Variants in BIRC6 observed in about 807,000 individuals in gnomAD.
BIRC6 encodes dual E2 ubiquitin-conjugating enzyme/E3 ubiquitin-protein ligase BIRC6.
BIRC6 carries 98 observed loss-of-function variants against 503.3 expected under a neutral mutation model. The observed-to-expected ratio is 0.19, with a 90% CI of 0.17 to 0.23. The LOEUF is 0.23. BIRC6 is among the 10% of genes least tolerant of loss of function. The pLI is 1.00. For synonymous variants in BIRC6, 2,240 were observed against 2,078.7 expected (o/e 1.08, Z -2.11); for missense variants, 5,360 against 5,806.0 (o/e 0.92, Z 2.50).
At chr2:32,494,211 A>G (rs1255961175) in intron 45 of BIRC6, among the ~76,000 whole-genome samples, 1 of 152,006 alleles carries the variant, frequency 6.6e-6, no homozygotes. Context: ...CTTAAAATCC[A>G]ACATTACTTT....
intron 66 of BIRC6, 111 bp downstream of exon 66, chr2:32,575,477 AC>A: frequency 1.0e-6 from 1 of 1,002,242 alleles, no homozygotes; most frequent in South Asian, 1.5e-5. Flanking sequence ...AAGCATATAC[AC>A]CCTCGGCTGG....
chr2:32,463,404 G>A lies in BIRC6; in HGVS notation c.4941+23G>A, dbSNP rs184941549. ...CAGGTTGGAGACTATTTGGCTCTTT[G>A]TTCATGCTGTCTCTAAACTTCAAAA... On this transcript the variant is annotated intron_variant, in intron 24 of 73. Transcript: ENST00000421745. 2.0e-5 allele frequency: 31 copies of A among 1,563,904 alleles called. No homozygotes were observed. In the East Asian group the frequency reaches 4.4e-4, roughly 22 times the overall value.
At chr2:32,381,704 C>G (rs1032799161) in intron 3 of BIRC6, among the ~76,000 whole-genome samples, 1 of 152,058 alleles carries the variant, frequency 6.6e-6, no homozygotes, top group Admixed American at 6.6e-5. Context: ...CGCCACCATG[C>G]CTGGCTAATT....
Position 32,545,715 on chromosome 2 carries a change from G to A in BIRC6, c.12665G>A (p.Ser4222Asn). ...LPFHVLRSLF[S>N]TTPLTTDDGV... ...TTCCACGTCCTTCGTAGCTTGTTTA[G>A]CACTACACCTTTGACAACTGATGAT... is the stretch of plus-strand genomic sequence containing the variant. The change falls in exon 63 of 74, where the codon AGC becomes AAC. Residue 4222 changes from serine to asparagine, a missense_variant. By Grantham distance (46) the Ser-to-Asn change is conservative. Around this residue, in one of 16 missense-constraint regions of BIRC6, gnomAD observed 477 missense variants for 574.4 expected, o/e 0.83. Coordinates refer to ENST00000421745, the MANE Select transcript of BIRC6 (RefSeq NM_016252.4). 6.2e-7 allele frequency: 1 copy of A among 1,613,782 alleles called. No individual in the cohort carries two copies. The highest frequency in any genetic ancestry group is 1.7e-5 in the Admixed American group (1 of 60,000).
In BIRC6 at chr2:32,504,493, C is replaced by A. The variant is rs189732317; in HGVS notation, c.9500-512C>A. Among the ~76,000 whole-genome samples the A allele has an allele frequency of 8.6e-3, 1,298 of 151,726 alleles. 9 individuals are homozygous for A. Among genetic ancestry groups the A allele is most frequent in the Middle Eastern group, 0.02 (6 of 294 alleles). On this transcript the variant is annotated intron_variant, in intron 49 of 73. Coordinates refer to ENST00000421745, the MANE Select transcript of BIRC6 (RefSeq NM_016252.4). ...CTGTCCCGGCTAACACGGTGAAACC[C>A]CGTCTCTACTAAAAATACAAAAAAT...
chr2:32,534,057 A>C (rs1223701057), intron 61 of BIRC6, among the ~76,000 whole-genome samples: 1 of 152,158 alleles, frequency 6.6e-6, no homozygotes, highest in African/African-American at 2.4e-5. Flanking sequence ...AGGTGTGTTT[A>C]ATAAGAGACA....
rs1403998316 is a variant in BIRC6, at chr2:32,612,267, C to T, written c.14394+685C>T. On this transcript the variant is annotated intron_variant, in intron 73 of 73. Coordinates refer to ENST00000421745, the MANE Select transcript of BIRC6 (RefSeq NM_016252.4). ...AGGGAGATTTGAGTTGCAGATTCTCCCTCAGCTGATGGTGGCAGTGGCTGT... is the reference window on the plus strand; with the variant it reads ...AGGGAGATTTGAGTTGCAGATTCTCTCTCAGCTGATGGTGGCAGTGGCTGT... Among the ~76,000 whole-genome samples the T allele has an allele frequency of 2.6e-5, 4 of 152,258 alleles. No homozygotes were observed. The East Asian group carries it at 7.7e-4, about 29-fold the overall frequency.
At chr2:32,440,001 C>A (rs1012766502) in intron 16 of BIRC6, among the ~76,000 whole-genome samples, 2 of 152,210 alleles carry the variant, frequency 1.3e-5, no homozygotes, top group African/African-American at 4.8e-5. Flanking sequence ...ACCTCAACTT[C>A]CCTAGTAGCT....
At position 32,357,516 on chromosome 2, in the gene BIRC6, A is replaced by G; in HGVS notation, c.325+30A>G. 2.0e-6 allele frequency: 3 copies of G among 1,533,724 alleles called. No individual in the cohort carries two copies. The highest frequency in any genetic ancestry group is 2.6e-6 in the Non-Finnish European group (3 of 1,141,280). ...GTCTTCCGCACGCCGGGCGGGCGCG[A>G]AGCCGGGGAAAGAAGCCGTCCAGCC... On this transcript the variant is annotated intron_variant, in intron 1 of 73. Transcript: ENST00000421745. This position sits in a 1 kb window ranked among gnomAD's most constrained non-coding sequence, Gnocchi z 4.9.
Position 32,471,108 on chromosome 2 carries a change from A to C in BIRC6, c.6576A>C (p.Ala2192=). 1 of 1,572,758 alleles carries C rather than the reference A, an allele frequency of 6.4e-7. No homozygotes were observed. The highest frequency in any genetic ancestry group is 8.6e-7 in the Non-Finnish European group (1 of 1,156,826). The change falls in exon 32 of 74, where the codon GCA becomes GCC. Residue 2192 remains alanine, a synonymous_variant. Coordinates refer to ENST00000421745, the MANE Select transcript of BIRC6 (RefSeq NM_016252.4). ...CTGTTGAAGATGAAGCAGCAGCTGC[A>C]AAGAAACCTTTGAATGGTAAAGACA... ...VATVEDEAAA[A]KKPLNGNQWS...
chr2:32,441,746 A>G (rs1558734519), intron 17 of BIRC6, among the ~76,000 whole-genome samples: 1 of 152,160 alleles, frequency 6.6e-6, no homozygotes, highest in Non-Finnish European at 1.5e-5. Context: ...CTAGCTACTC[A>G]AGACGTGGGG....
chr2:32,448,763 G>A (rs776970898), intron 21 of BIRC6, 32 bp from the exon 22 acceptor site: 2 of 1,584,024 alleles, frequency 1.3e-6, no homozygotes, highest in South Asian at 2.3e-5. Flanking sequence ...TGGCTGAAAG[G>A]AAAATTGTTA....
chr2:32,434,511 A>G (rs902937249), intron 13 of BIRC6, among the ~76,000 whole-genome samples: 4 of 151,076 alleles, frequency 2.6e-5, no homozygotes, highest in East Asian at 3.9e-4. Context: ...TTTGGGGGGG[A>G]AAAAATAAAA....
intron 6 of BIRC6, 25 bp downstream of exon 6, chr2:32,395,618 A>G: frequency 6.4e-7 from 1 of 1,553,720 alleles, no homozygotes; most frequent in Non-Finnish European, 8.9e-7. Context: ...TTCTGGGCAT[A>G]ATAGGCTAAG....
chr2:32,370,492 G>A (rs1368916103), intron 1 of BIRC6, among the ~76,000 whole-genome samples: 1 of 152,102 alleles, frequency 6.6e-6, no homozygotes, highest in Non-Finnish European at 1.5e-5. Context: ...ATTTTATCAT[G>A]TGTTACCCCT....
intron 5 of BIRC6, among the ~76,000 whole-genome samples, chr2:32,393,207 A>C (rs2039466316): frequency 1.3e-5 from 2 of 152,080 alleles, no homozygotes; most frequent in African/African-American, 4.8e-5. Flanking sequence ...TAAAGAACTG[A>C]TTAAGTTGCA....
chr2:32,613,704 G>T (rs114778966), intron 73 of BIRC6, among the ~76,000 whole-genome samples: 260 of 152,254 alleles, frequency 1.7e-3, no homozygotes, highest in African/African-American at 6.0e-3. Flanking sequence ...CTAACCCTCT[G>T]CGTCTACCTG....
intron 23 of BIRC6, among the ~76,000 whole-genome samples, chr2:32,455,101 T>G (rs902213292): frequency 6.6e-6 from 1 of 152,058 alleles, no homozygotes; most frequent in Non-Finnish European, 1.5e-5. Context: ...ATCCTGGGCC[T>G]GGCGCGGTGG....
chr2:32,561,153 A>G (rs1236722112), intron 65 of BIRC6, among the ~76,000 whole-genome samples: 1 of 151,160 alleles, frequency 6.6e-6, no homozygotes, highest in Non-Finnish European at 1.5e-5. Flanking sequence ...AGCCGAGACC[A>G]TGCCATTGCA....
Sources: gnomAD v4.1 joint callset for allele counts (sites outside exome capture counted in the v4.1 genomes callset) on GRCh38, gnomAD v4.1.1 for gene constraint, gnomAD v4.1.1 regional missense constraint, Gnocchi (gnomAD v3.1) non-coding constraint, MANE v1.5 for transcripts, NCBI Gene and HGNC (gene_info 2026-07-23, HGNC 2026-07-21) for gene names.